AZI2: variants seen among roughly 807,000 people sequenced by gnomAD.
AZI2 encodes the protein 5-azacytidine induced 2.
In AZI2, 22 loss-of-function variants were observed where a neutral mutation model predicts 45.8. The observed-to-expected ratio is 0.48, with a 90% confidence interval of 0.34 to 0.69. The LOEUF (loss-of-function observed/expected upper bound fraction) is 0.69, where lower values mean the gene tolerates loss of function less well. Among genes scored for constraint, AZI2 ranks in the 30% least tolerant of loss-of-function variants. AZI2 has a pLI of 0.01. For synonymous variants in AZI2, 137 were observed against 156.7 expected, an observed-to-expected ratio of 0.87 and a Z score of 0.94; for missense variants, 417 against 441.5, an observed-to-expected ratio of 0.94 and a Z score of 0.50.
At chr3:28,326,227 A>T (rs887601884) in intron 7 of AZI2, among the ~76,000 whole-genome samples, 2 of 151,092 alleles carry the variant, frequency 1.3e-5, no homozygotes, top group African/African-American at 2.4e-5. Flanking sequence ...CTACTAGTTA[A>T]CACAAAACTC....
At chr3:28,338,688 G>A in intron 2 of AZI2, 73 bp from the exon 3 acceptor site, 1 of 1,359,490 alleles carries the variant, frequency 7.4e-7, no homozygotes, top group Non-Finnish European at 1.0e-6. Flanking sequence ...GTGTTCTGAT[G>A]GCTCCATATC....
rs1180141640 is a variant in AZI2 at position 28,348,601 on chromosome 3, C to T, written c.-6G>A. 3.3e-5 allele frequency: 5 copies of T among 152,718 alleles called. No individual in the cohort carries two copies. Among genetic ancestry groups the T allele is most frequent in the Admixed American group, 2.6e-4 (4 of 15,282 alleles). The allele number at this position is 152,718 out of a possible 1,614,324, so 9.5% of individuals were successfully genotyped here. A position where few individuals can be genotyped will look rare whatever the true frequency, so the allele number is the denominator to read the frequency against. ...CACCCGTCCCTGGCGAGTCACTCAC[C>T]CAGAAGCCAGGCTACGTAGGGCCGC... is the stretch of plus-strand genomic sequence containing the variant. On this transcript the variant is annotated splice_region_variant and 5_prime_UTR_variant, in exon 1 of 8. Transcript: ENST00000479665.
At chr3:28,325,504 C>T (rs952765836) in intron 7 of AZI2, among the ~76,000 whole-genome samples, 7 of 150,958 alleles carry the variant, frequency 4.6e-5, no homozygotes, top group Non-Finnish European at 8.9e-5. Context: ...CTGTACTCCT[C>T]AAAGCAATGA....
intron 6 of AZI2, among the ~76,000 whole-genome samples, chr3:28,329,021 A>T (rs375478652): frequency 1.3e-5 from 2 of 151,320 alleles, no homozygotes; most frequent in Admixed American, 1.3e-4. Context: ...CTGGGAGTAT[A>T]AAGTTTAGTT....
intron 1 of AZI2, among the ~76,000 whole-genome samples, chr3:28,347,709 G>A (rs757512225): frequency 4.6e-5 from 7 of 152,108 alleles, no homozygotes; most frequent in Non-Finnish European, 1.0e-4. Context: ...TAAGATGTCT[G>A]GCTTACAAAC....
In AZI2 at chr3:28,331,637, C is replaced by T. The variant is rs145226932; in HGVS notation, c.647+732G>A. ...ATAGAAATTGGCCTGACACAATTCA[C>T]ATTATTTACTTAGGTCAGTAAACTT... On this transcript the variant is annotated intron_variant, in intron 6 of 7. Transcript: ENST00000479665. 64 of 1,200,056 alleles carry T rather than the reference C, an allele frequency of 5.3e-5. No homozygotes were observed. In the East Asian group the frequency reaches 2.1e-3, roughly 39 times the overall value. The allele number at this position is 1,200,056 out of a possible 1,614,324, so 74.3% of individuals were successfully genotyped here.
chr3:28,347,248 T>C (rs961413479), intron 1 of AZI2, among the ~76,000 whole-genome samples: 1 of 152,230 alleles, frequency 6.6e-6, no homozygotes, highest in African/African-American at 2.4e-5. Context: ...TTTTACTTAA[T>C]AATAATGACA....
At chr3:28,345,783 G>A (rs1222157053) in intron 1 of AZI2, among the ~76,000 whole-genome samples, 2 of 152,048 alleles carry the variant, frequency 1.3e-5, no homozygotes, top group African/African-American at 2.4e-5. Context: ...CATATGCTAC[G>A]TATGTCAAAG....
Position 28,342,653 on chromosome 3 carries a change from T to G in AZI2, c.-5-2031A>C, listed in dbSNP as rs2125666736. ...CCTTTCAAAATAAAAGTGCAGGTTA[T>G]TCTCATATTGCAAACTGAAAGTATG... On this transcript the variant is annotated intron_variant, in intron 1 of 7. Transcript: ENST00000479665. Among the ~76,000 whole-genome samples the G allele has an allele frequency of 2.6e-5, 4 of 152,078 alleles. No individual in the cohort carries two copies. In the South Asian group the frequency reaches 8.3e-4, roughly 32 times the overall value.
chr3:28,325,635 T>G (rs1703360733), intron 7 of AZI2, among the ~76,000 whole-genome samples: 1 of 151,114 alleles, frequency 6.6e-6, no homozygotes. Context: ...GGATGAGCCA[T>G]GTCCAAGTAT....
chr3:28,327,176 C>T (rs1267936988), intron 6 of AZI2, among the ~76,000 whole-genome samples: 5 of 150,872 alleles, frequency 3.3e-5, no homozygotes, highest in Admixed American at 6.6e-5. Context: ...TTATATTAAA[C>T]GGTATAATAA....
intron 1 of AZI2, chr3:28,348,154 C>G (rs1232538617): frequency 6.6e-6 from 1 of 152,246 alleles, no homozygotes; most frequent in Non-Finnish European, 1.5e-5. Flanking sequence ...GGAGAAACGA[C>G]GAATACCTGT....
chr3:28,333,881 C>G (rs567180771), intron 5 of AZI2, among the ~76,000 whole-genome samples: 1 of 151,342 alleles, frequency 6.6e-6, no homozygotes, highest in African/African-American at 2.4e-5. Flanking sequence ...TAATATACTA[C>G]AGTACACTGT....
chr3:28,327,011 TA>T, intron 6 of AZI2, 61 bp from the exon 7 acceptor site: 1 of 1,179,050 alleles, frequency 8.5e-7, no homozygotes, highest in Non-Finnish European at 1.2e-6. Flanking sequence ...CAAAAGGGAA[TA>T]ACTTTAGAAA....
At chr3:28,336,358 G>A (rs1386741164) in intron 5 of AZI2, among the ~76,000 whole-genome samples, 1 of 151,880 alleles carries the variant, frequency 6.6e-6, no homozygotes, top group African/African-American at 2.4e-5. Context: ...TGTCCCTTAT[G>A]ATATCTAAAT....
At chr3:28,348,565 T>C (rs1704372316) in intron 1 of AZI2, 36 bp downstream of exon 1, 1 of 152,696 alleles carries the variant, frequency 6.5e-6, no homozygotes, top group East Asian at 2.0e-4. Context: ...ATTGCCCGCA[T>C]CCCTATCCTC....
At chr3:28,326,989 TTC>T (rs1239841996) in intron 6 of AZI2, 39 bp from the exon 7 acceptor site, 11 of 1,377,260 alleles carry the variant, frequency 8.0e-6, no homozygotes, top group Non-Finnish European at 1.1e-5. Flanking sequence ...ATACTCATCA[TTC>T]TTTTTTAGAC....
chr3:28,324,353 G>T lies in AZI2; in HGVS notation c.868C>A (p.Pro290Thr). 1 of 1,597,198 alleles carries T rather than the reference G, an allele frequency of 6.3e-7. No homozygotes were observed. Among genetic ancestry groups the T allele is most frequent in the South Asian group, 1.1e-5 (1 of 88,968 alleles). Reference sequence around the variant, plus strand: ...GTATGACAAAGAGCTTTGCCATTTGGTAAGAGAGGGGGATGTCTTGTGTAT... The same window carrying T: ...GTATGACAAAGAGCTTTGCCATTTGTTAAGAGAGGGGGATGTCTTGTGTAT... ...ATYTRHPPLL[P>T]NGKALCHTTS... Residue 290 changes from proline (P) to threonine (T), a missense_variant, in exon 8 of 8, where the codon CCA becomes ACA. Pro to Thr is a conservative substitution (Grantham distance 38). Coordinates refer to ENST00000479665, the MANE Select transcript of AZI2 (RefSeq NM_022461.5).
At chr3:28,329,104 T>A (rs1459166309) in intron 6 of AZI2, among the ~76,000 whole-genome samples, 1 of 151,266 alleles carries the variant, frequency 6.6e-6, no homozygotes, top group Admixed American at 6.6e-5. Context: ...TACAACTACT[T>A]AAAATATTGA....
Sources: allele counts gnomAD v4.1 joint callset (sites outside exome capture counted in the v4.1 genomes callset), GRCh38; gene constraint gnomAD v4.1.1; transcripts MANE v1.5; gene names NCBI Gene and HGNC (gene_info 2026-07-23, HGNC 2026-07-21).